TFCP2L1: variants seen among roughly 807,000 people sequenced by gnomAD.
TFCP2L1 encodes transcription factor CP2 like 1.
In TFCP2L1, 12 loss-of-function variants were observed where a neutral mutation model predicts 72.2. That is an observed-to-expected ratio of 0.17 (90% CI 0.11 to 0.27). TFCP2L1 has a LOEUF of 0.27. Among genes scored for constraint, TFCP2L1 ranks in the 10% least tolerant of loss-of-function variants. The pLI is 1.00. For synonymous variants in TFCP2L1, 260 were observed against 251.0 expected, an observed-to-expected ratio of 1.04 and a Z score of -0.34; for missense variants, 488 against 624.6, an observed-to-expected ratio of 0.78 and a Z score of 2.33.
chr2:121,245,070 A>C (rs1356066408), intron 6 of TFCP2L1, among the ~76,000 whole-genome samples: 1 of 152,242 alleles, frequency 6.6e-6, no homozygotes, highest in Non-Finnish European at 1.5e-5. Flanking sequence ...AGATGGAATT[A>C]AGATTGCTAC....
chr2:121,274,414 A>T (rs962428987), intron 2 of TFCP2L1, among the ~76,000 whole-genome samples: 4 of 152,096 alleles, frequency 2.6e-5, no homozygotes, highest in Non-Finnish European at 5.9e-5. Context: ...TTTTCTGATG[A>T]CTCGATGTAC....
chr2:121,229,474 G>A (rs1316929640), intron 13 of TFCP2L1, among the ~76,000 whole-genome samples: 1 of 152,186 alleles, frequency 6.6e-6, no homozygotes, highest in Non-Finnish European at 1.5e-5. Context: ...GGAAGTGCTC[G>A]TGAACATTCA....
chr2:121,228,041 C>T (rs1422848555), intron 13 of TFCP2L1, among the ~76,000 whole-genome samples: 1 of 152,238 alleles, frequency 6.6e-6, no homozygotes, highest in Admixed American at 6.5e-5. Flanking sequence ...CCCCAGGGGC[C>T]GGCTCCGCGG....
rs1483234935 is a variant in TFCP2L1, at chr2:121,220,503, T to G, written c.*3838A>C. The G allele has an allele frequency of 6.6e-6, 1 of 152,222 alleles. No individual in the cohort carries two copies. 9.4% of individuals were successfully genotyped at this position (152,222 alleles called of 1,614,324 possible). A position where few individuals can be genotyped will look rare whatever the true frequency, so the allele number is the denominator to read the frequency against. ...CCGTGACGACCTAAGAGTAAGGAAC[T>G]CAGCTTTGGGCTTCCAGTTCAAGAT... On this transcript the variant is annotated 3_prime_UTR_variant, in exon 15 of 15. Transcript: ENST00000263707.
chr2:121,249,043 C>G lies in TFCP2L1; in HGVS notation c.336G>C (p.Thr112=), dbSNP rs150968715. ...GCCAGCCCTCCAGCTGCTGGTGCTC[C>G]GTATACTGCAGCCGGCGGTCATGGA... ...VVFHDRRLQY[T]EHQQLEGWRW... The change falls in exon 4 of 15, where the codon ACG becomes ACC. Residue 112 remains threonine, a synonymous_variant. Coordinates refer to ENST00000263707, the MANE Select transcript of TFCP2L1 (RefSeq NM_014553.3). 1.8e-5 allele frequency: 29 copies of G among 1,603,416 alleles called. No homozygotes were observed. Among genetic ancestry groups the G allele is most frequent in the Non-Finnish European group, 2.5e-5 (29 of 1,175,128 alleles).
intron 14 of TFCP2L1, 25 bp downstream of exon 14, chr2:121,225,537 C>T (rs773779043): frequency 1.9e-6 from 3 of 1,613,238 alleles, no homozygotes; most frequent in Non-Finnish European, 2.5e-6. Context: ...CCCACAACTA[C>T]CCTAGGGGGA....
At chr2:121,281,325 C>T in intron 1 of TFCP2L1, 54 bp from the exon 2 acceptor site, 1 of 1,529,364 alleles carries the variant, frequency 6.5e-7, no homozygotes, top group Non-Finnish European at 8.7e-7. Context: ...GGCTCCTGCA[C>T]AGAGCCAGGG....
rs373163704 is a variant in TFCP2L1, at chr2:121,242,201, G to A, written c.768+158C>T. Among the ~76,000 whole-genome samples the A allele has an allele frequency of 5.3e-5, 8 of 151,522 alleles. No homozygotes were observed. The East Asian group carries it at 9.8e-4, about 19-fold the overall frequency. On this transcript the variant is annotated intron_variant, in intron 7 of 14. Transcript: ENST00000263707. ...CCTCCCGGGCCACTGGGTCTTATCA[G>A]ATGAACACGAGCTCCAGACACTGGA...
chr2:121,224,760 A>T (rs2104652752), intron 14 of TFCP2L1, among the ~76,000 whole-genome samples: 1 of 152,244 alleles, frequency 6.6e-6, no homozygotes, highest in East Asian at 1.9e-4. Flanking sequence ...AGGCAGGCGG[A>T]TCTCGAGGTC....
In TFCP2L1 at chr2:121,224,131, A is replaced by G. The variant is rs547295040; in HGVS notation, c.*210T>C. On this transcript the variant is annotated 3_prime_UTR_variant, in exon 15 of 15. Transcript: ENST00000263707. ...CATTCAAAATCTGGAGGCCAAGAGG[A>G]AGGGAGAAAGGAGCCACTGGCTTTC... The G allele has an allele frequency of 1.5e-5, 9 of 596,504 alleles. No individual in the cohort carries two copies. In the African/African-American group the frequency reaches 1.7e-4, roughly 11 times the overall value. The allele number at this position is 596,504 out of a possible 1,614,324, so 37.0% of individuals were successfully genotyped here. A position where few individuals can be genotyped will look rare whatever the true frequency, so the allele number is the denominator to read the frequency against.
chr2:121,244,772 C>T (rs1686447183), intron 6 of TFCP2L1, among the ~76,000 whole-genome samples: 1 of 152,202 alleles, frequency 6.6e-6, no homozygotes, highest in South Asian at 2.1e-4. Flanking sequence ...GAGTGAACCG[C>T]TGCCTGACGG....
intron 7 of TFCP2L1, chr2:121,240,672 G>A: frequency 1.0e-6 from 1 of 985,388 alleles, no homozygotes; most frequent in South Asian, 4.7e-5. Flanking sequence ...GTCAGCAGAG[G>A]AGCAGAGAGG....
At chr2:121,247,714 G>T (rs1050768221) in intron 5 of TFCP2L1, among the ~76,000 whole-genome samples, 2 of 152,126 alleles carry the variant, frequency 1.3e-5, no homozygotes, top group Non-Finnish European at 2.9e-5. Context: ...CACAGCAAGC[G>T]AGAGAGCCAG....
Position 121,220,121 on chromosome 2 carries a change from T to A in TFCP2L1, c.*4220A>T, listed in dbSNP as rs1685903706. ...TTTATTTCATCGACTTGTTAATGATTTTCAGATCTTCAGTTACTCAGGCCA... is the reference window on the plus strand; with the variant it reads ...TTTATTTCATCGACTTGTTAATGATATTCAGATCTTCAGTTACTCAGGCCA... On this transcript the variant is annotated 3_prime_UTR_variant, in exon 15 of 15. Coordinates refer to ENST00000263707, the MANE Select transcript of TFCP2L1 (RefSeq NM_014553.3). The A allele has an allele frequency of 6.6e-6, 1 of 152,108 alleles. No homozygotes were observed. Among genetic ancestry groups the A allele is most frequent in the African/African-American group, 2.4e-5 (1 of 41,424 alleles). The allele number at this position is 152,108 out of a possible 1,614,324, so 9.4% of individuals were successfully genotyped here.
At chr2:121,241,151 G>C (rs1411588890) in intron 7 of TFCP2L1, among the ~76,000 whole-genome samples, 2 of 152,312 alleles carry the variant, frequency 1.3e-5, no homozygotes, top group Admixed American at 6.5e-5. Context: ...GTGGGAAAGA[G>C]TTGCACAAAA....
chr2:121,226,119 A>G (rs1245935765), intron 13 of TFCP2L1, among the ~76,000 whole-genome samples: 1 of 149,798 alleles, frequency 6.7e-6, no homozygotes, highest in Non-Finnish European at 1.5e-5. Context: ...ACACACGGGA[A>G]CACGGTAAAC....
At chr2:121,247,499 GTAA>G (rs1285578694) in intron 5 of TFCP2L1, among the ~76,000 whole-genome samples, 1 of 151,152 alleles carries the variant, frequency 6.6e-6, no homozygotes, top group African/African-American at 2.4e-5. Flanking sequence ...ATACATAACT[GTAA>G]TAATAACAAT....
intron 1 of TFCP2L1, among the ~76,000 whole-genome samples, chr2:121,282,052 C>T (rs899802038): frequency 1.3e-5 from 2 of 152,022 alleles, no homozygotes; most frequent in African/African-American, 4.8e-5. Context: ...TGTGCCTCAG[C>T]TTCCTGAGTA....
chr2:121,254,343 A>C (rs928660271), intron 2 of TFCP2L1, among the ~76,000 whole-genome samples: 6 of 152,198 alleles, frequency 3.9e-5, no homozygotes, highest in African/African-American at 1.4e-4. Flanking sequence ...TTTCTGTAAG[A>C]GACAAAGGAG....
Sources: allele counts gnomAD v4.1 joint callset (sites outside exome capture counted in the v4.1 genomes callset), GRCh38; gene constraint gnomAD v4.1.1; transcripts MANE v1.5; gene names NCBI Gene and HGNC (gene_info 2026-07-23, HGNC 2026-07-21).